Variants in DDX10 observed in about 807,000 individuals in gnomAD.
DDX10 encodes DEAD-box helicase 10.
Under a neutral mutation model 104.3 loss-of-function variants are expected in DDX10, and 74 were observed. The observed-to-expected ratio is 0.71, with a 90% CI of 0.59 to 0.86. The LOEUF (loss-of-function observed/expected upper bound fraction) is 0.86. DDX10 is among the 40% of genes least tolerant of loss of function. The pLI, the probability that DDX10 is intolerant of heterozygous loss-of-function variation, is 0.00. For missense variants in DDX10, 952 were observed against 1,040.0 expected, an observed-to-expected ratio of 0.92 and a Z score of 1.16; for synonymous variants, 351 against 353.4, an observed-to-expected ratio of 0.99 and a Z score of 0.08.
At chr11:108,879,761 A>G (rs1316148986) in intron 16 of DDX10, among the ~76,000 whole-genome samples, 1 of 152,194 alleles carries the variant, frequency 6.6e-6, no homozygotes, top group Non-Finnish European at 1.5e-5. Context: ...AAATTTTACT[A>G]ATAAAAAATG....
intron 11 of DDX10, among the ~76,000 whole-genome samples, chr11:108,718,625 C>G (rs148089196): frequency 2.0e-5 from 3 of 152,124 alleles, no homozygotes; most frequent in Admixed American, 1.3e-4. Context: ...ACGGATGAGC[C>G]TTCCAGAACA....
At chr11:108,810,095 TTAAG>T (rs1862157534) in intron 13 of DDX10, among the ~76,000 whole-genome samples, 1 of 152,124 alleles carries the variant, frequency 6.6e-6, no homozygotes, top group African/African-American at 2.4e-5. Flanking sequence ...GGAGCGTGAG[TTAAG>T]TAAGGCCGAG....
chr11:108,704,521 G>A (rs2094273124), intron 9 of DDX10, among the ~76,000 whole-genome samples: 1 of 152,152 alleles, frequency 6.6e-6, no homozygotes, highest in Non-Finnish European at 1.5e-5. Context: ...TTTCCTTGGT[G>A]GAGTGTGAGA....
At chr11:108,716,739 A>G (rs974037567) in intron 11 of DDX10, among the ~76,000 whole-genome samples, 3 of 152,186 alleles carry the variant, frequency 2.0e-5, no homozygotes, top group African/African-American at 7.2e-5. Flanking sequence ...CTGGACTTAA[A>G]GATCTTGATT....
chr11:108,796,780 A>G (rs12274006), intron 13 of DDX10, among the ~76,000 whole-genome samples: 4,862 of 152,164 alleles, frequency 0.032, 265 homozygotes, highest in African/African-American at 0.11. Flanking sequence ...GGGACCTTTA[A>G]GAGGTGTTTC....
intron 3 of DDX10, 57 bp downstream of exon 3, chr11:108,675,783 G>A (rs1565242450): frequency 1.3e-6 from 2 of 1,581,912 alleles, no homozygotes; most frequent in Non-Finnish European, 8.6e-7. Context: ...AACATTCTGT[G>A]CCCAGATGCA....
intron 13 of DDX10, among the ~76,000 whole-genome samples, chr11:108,730,414 A>G (rs991089677): frequency 5.3e-5 from 8 of 152,226 alleles, no homozygotes; most frequent in African/African-American, 1.7e-4. Flanking sequence ...ATCCAGGGCT[A>G]TCAAACAAAA....
intron 13 of DDX10, among the ~76,000 whole-genome samples, chr11:108,827,517 A>G (rs749629994): frequency 1.3e-5 from 2 of 152,320 alleles, no homozygotes; most frequent in Middle Eastern, 3.4e-3. Flanking sequence ...TGTGCTTTCT[A>G]TTAAACCTTT....
At chr11:108,743,365 A>G (rs1324040050) in intron 13 of DDX10, among the ~76,000 whole-genome samples, 4 of 152,288 alleles carry the variant, frequency 2.6e-5, no homozygotes, top group East Asian at 3.9e-4. Flanking sequence ...TAGGCATTGA[A>G]GGAATAAACG....
At chr11:108,669,096 CT>C (rs569505369) in intron 1 of DDX10, among the ~76,000 whole-genome samples, 8,005 of 138,774 alleles carry the variant, frequency 0.058, 186 homozygotes, top group Middle Eastern at 0.096. Context: ...TGGAGCTAAG[CT>C]TTTTTTTTTT....
chr11:108,810,552 G>T (rs1042730811), intron 13 of DDX10, among the ~76,000 whole-genome samples: 19 of 152,128 alleles, frequency 1.2e-4, no homozygotes, highest in African/African-American at 4.6e-4. Context: ...TGAGAGTGGT[G>T]CGAAATTTAT....
At chr11:108,696,367 G>A (rs1430843115) in intron 9 of DDX10, among the ~76,000 whole-genome samples, 5 of 152,028 alleles carry the variant, frequency 3.3e-5, no homozygotes, top group African/African-American at 4.8e-5. Context: ...AGTAGAGATG[G>A]CGTTTCACCA....
At chr11:108,910,728 C>CGTGTGTGT (rs56191738) in intron 16 of DDX10, among the ~76,000 whole-genome samples, 3 of 127,662 alleles carry the variant, frequency 2.3e-5, no homozygotes, top group Non-Finnish European at 3.4e-5. Flanking sequence ...AGCGTGCATG[C>CGTGTGTGT]GTGTGTGTGT....
intron 13 of DDX10, among the ~76,000 whole-genome samples, chr11:108,799,797 C>A (rs1430591819): frequency 6.6e-6 from 1 of 152,188 alleles, no homozygotes; most frequent in African/African-American, 2.4e-5. Context: ...ATTCTTACAT[C>A]CCAGGATTCA....
chr11:108,702,716 TA>T (rs2094270174), intron 9 of DDX10, among the ~76,000 whole-genome samples: 1 of 152,216 alleles, frequency 6.6e-6, no homozygotes, highest in African/African-American at 2.4e-5. Flanking sequence ...GATGTGGAGA[TA>T]AGCTTTCTGA....
intron 17 of DDX10, among the ~76,000 whole-genome samples, chr11:108,926,253 C>T (rs756204053): frequency 2.6e-5 from 4 of 151,848 alleles, no homozygotes; most frequent in African/African-American, 4.8e-5. Context: ...CTTGAGATTT[C>T]GTGAAAAATG....
chr11:108,678,923 C>G (rs2094230379), intron 5 of DDX10, among the ~76,000 whole-genome samples: 1 of 118,956 alleles, frequency 8.4e-6, no homozygotes, highest in East Asian at 2.8e-4. Flanking sequence ...TGTTGCTAGG[C>G]TGGAGTACGG....
intron 13 of DDX10, among the ~76,000 whole-genome samples, chr11:108,757,586 A>G (rs763814234): frequency 7.2e-5 from 11 of 152,066 alleles, no homozygotes; most frequent in African/African-American, 1.2e-4. Flanking sequence ...AAATTAAGCC[A>G]CCTTAATAAT....
At chr11:108,748,894 CT>C (rs1042292589) in intron 13 of DDX10, among the ~76,000 whole-genome samples, 1 of 150,732 alleles carries the variant, frequency 6.6e-6, no homozygotes, top group Non-Finnish European at 1.5e-5. Flanking sequence ...TAAAACTTTT[CT>C]TTTTTTTAAT....
Sources: allele counts gnomAD v4.1 joint callset (sites outside exome capture counted in the v4.1 genomes callset), GRCh38; gene constraint gnomAD v4.1.1; transcripts MANE v1.5; gene names NCBI Gene and HGNC (gene_info 2026-07-23, HGNC 2026-07-21).